Variants in MEGF6 observed in about 807,000 individuals in gnomAD.
The protein encoded by MEGF6 is multiple EGF like domains 6.
In MEGF6, 184 loss-of-function variants were observed where a neutral mutation model predicts 207.1. The ratio of observed to expected loss-of-function variants is 0.89; its 90% CI spans 0.79 to 1.00. The LOEUF is 1.00. MEGF6 is among the 50% of genes least tolerant of loss of function. MEGF6 has a pLI of 0.00. For missense variants in MEGF6, 2,282 were observed against 2,202.9 expected (o/e 1.04, Z -0.72); for synonymous variants, 1,038 against 910.0 (o/e 1.14, Z -2.53).
At chr1:3,546,962 C>G (rs557056828) in intron 4 of MEGF6, 2 of 178,296 alleles carry the variant, frequency 1.1e-5, no homozygotes, top group African/African-American at 5.1e-5. Context: ...GAAGGGAGGC[C>G]GAGGCAGGGT....
chr1:3,546,363 G>A (rs1427758133), intron 4 of MEGF6, among the ~76,000 whole-genome samples: 2 of 152,200 alleles, frequency 1.3e-5, no homozygotes, highest in Admixed American at 6.5e-5. Context: ...ATCCCTGCCC[G>A]CCCCTCCTTC....
At chr1:3,592,261 C>T (rs980580944) in intron 3 of MEGF6, among the ~76,000 whole-genome samples, 1 of 152,218 alleles carries the variant, frequency 6.6e-6, no homozygotes, top group Non-Finnish European at 1.5e-5. Context: ...TGCAGGCTTC[C>T]CTGCCTAGAC....
At chr1:3,574,032 AGCCCACACCCGAGAG>A (rs1390737654) in intron 4 of MEGF6, among the ~76,000 whole-genome samples, 4 of 151,928 alleles carry the variant, frequency 2.6e-5, no homozygotes, top group African/African-American at 7.3e-5. Context: ...AGCCACCTCC[AGCCCACACCCGAGAG>A]GCCCACACCC....
At chr1:3,521,610 G>A (rs905128663) in intron 5 of MEGF6, among the ~76,000 whole-genome samples, 2 of 152,166 alleles carry the variant, frequency 1.3e-5, no homozygotes, top group African/African-American at 4.8e-5. Context: ...TGCCTGGGAG[G>A]TGGCCCCCAG....
chr1:3,496,988 G>GT lies in MEGF6; in HGVS notation c.3612dup (p.Arg1205ThrfsTer12), dbSNP rs1557715784. On this transcript the variant is annotated frameshift_variant and splice_region_variant, in exon 28 of 37. Coordinates refer to ENST00000356575, the MANE Select transcript of MEGF6 (RefSeq NM_001409.4). LOFTEE classifies it high-confidence loss of function. Reference sequence around the variant, plus strand: ...CTGGGTGGGCACGGGCAGCACTCACGTTGCTGGCAGCTGGGGCCGTGGTAG... The same window carrying GT: ...CTGGGTGGGCACGGGCAGCACTCACGTTTGCTGGCAGCTGGGGCCGTGGTAG... 6.5e-7 allele frequency: 1 copy of GT among 1,549,092 alleles called. No homozygotes were observed. The highest frequency in any genetic ancestry group is 8.7e-7 in the Non-Finnish European group (1 of 1,147,018).
chr1:3,510,194 G>T (rs1292937478), intron 10 of MEGF6, among the ~76,000 whole-genome samples: 1 of 152,148 alleles, frequency 6.6e-6, no homozygotes, highest in African/African-American at 2.4e-5. Context: ...TCAGAGCCAT[G>T]GCAGACACGT....
intron 4 of MEGF6, among the ~76,000 whole-genome samples, chr1:3,561,476 G>A (rs981774326): frequency 7.2e-5 from 11 of 152,182 alleles, no homozygotes; most frequent in South Asian, 2.1e-4. Context: ...AGCCCAGGAC[G>A]CAACGCCCTC....
Position 3,611,223 on chromosome 1 carries a change from G to A in MEGF6, c.46C>T (p.Leu16=). The change falls in exon 1 of 37, where the codon CTG becomes TTG. Residue 16 remains leucine, a synonymous_variant. Transcript: ENST00000356575. ...EARAAGRAVV[L]ALVLLLLPAV... ...GGGAGCAGCAGCAGCACCAACGCCA[G>A]GACCACCGCGCGCCCCGCTGCCCTC... 1 of 1,543,698 alleles carries A rather than the reference G, an allele frequency of 6.5e-7. No individual in the cohort carries two copies. Among genetic ancestry groups the A allele is most frequent in the Admixed American group, 1.9e-5 (1 of 52,562 alleles).
At chr1:3,500,571 G>A in intron 21 of MEGF6, 62 bp downstream of exon 21, 2 of 1,503,876 alleles carry the variant, frequency 1.3e-6, no homozygotes, top group Non-Finnish European at 1.8e-6. Context: ...GTGTGCACGT[G>A]TGCATATGTG....
intron 3 of MEGF6, among the ~76,000 whole-genome samples, chr1:3,585,558 G>C (rs1170892701): frequency 7.4e-6 from 1 of 135,842 alleles, no homozygotes; most frequent in African/African-American, 2.9e-5. Context: ...CCTGTGTGTG[G>C]GTGTGAATGA....
rs1644119266 is a variant in MEGF6 at position 3,599,067 on chromosome 1, C to T, written c.266+3399G>A. Among the ~76,000 whole-genome samples the T allele has an allele frequency of 2.0e-5, 3 of 152,186 alleles. No homozygotes were observed. In the South Asian group the frequency reaches 6.2e-4, roughly 31 times the overall value. On this transcript the variant is annotated intron_variant, in intron 2 of 36. Transcript: ENST00000356575. Reference sequence around the variant, plus strand: ...CCGCGGCCCTGCCTGAGGCAGGCAGCAGGCTCCACAGCCCAGAAGCCAGAC... The same window carrying T: ...CCGCGGCCCTGCCTGAGGCAGGCAGTAGGCTCCACAGCCCAGAAGCCAGAC...
intron 18 of MEGF6, among the ~76,000 whole-genome samples, chr1:3,501,548 G>A (rs546387906): frequency 1.2e-4 from 18 of 152,204 alleles, no homozygotes; most frequent in African/African-American, 3.1e-4. Context: ...ACAAGGAGCC[G>A]AGCCCGTTAG....
At chr1:3,491,639 A>G (rs1205791527) in intron 35 of MEGF6, among the ~76,000 whole-genome samples, 2 of 152,082 alleles carry the variant, frequency 1.3e-5, no homozygotes, top group Non-Finnish European at 2.9e-5. Context: ...TTAGCCAAAA[A>G]GCAGAGCCTG....
At position 3,509,081 on chromosome 1, in the gene MEGF6, T is replaced by C; in HGVS notation, c.1522A>G (p.Lys508Glu). ...GGGCTGGGCCCGCGCTCACCAAACT[T>C]CTCTGTGAGCGTGTGTTCGCCCCGC... ...ELRGEHTLTEKFVCLDDSFGH... is the reference protein window; with the variant it reads ...ELRGEHTLTEEFVCLDDSFGH... The change falls in exon 12 of 37, where the codon AAG becomes GAG. Residue 508 changes from lysine to glutamate, a missense_variant. Lys to Glu is a moderately conservative substitution (Grantham distance 56). Coordinates refer to ENST00000356575, the MANE Select transcript of MEGF6 (RefSeq NM_001409.4). The C allele has an allele frequency of 6.3e-7, 1 of 1,591,830 alleles. No individual in the cohort carries two copies. The highest frequency in any genetic ancestry group is 1.4e-5 in the African/African-American group (1 of 73,888).
chr1:3,525,531 G>T (rs532535905), intron 4 of MEGF6, among the ~76,000 whole-genome samples: 2 of 152,358 alleles, frequency 1.3e-5, no homozygotes, highest in Non-Finnish European at 2.9e-5. Flanking sequence ...GCTGAAGAGA[G>T]CAGGGAGGGA....
At chr1:3,507,957 C>T in intron 13 of MEGF6, 34 bp from the exon 14 acceptor site, 1 of 1,598,222 alleles carries the variant, frequency 6.3e-7, no homozygotes, top group Non-Finnish European at 8.5e-7. Flanking sequence ...TCAGGGTCAC[C>T]AGCCAGCACG....
At chr1:3,541,416 C>T (rs1401815757) in intron 4 of MEGF6, among the ~76,000 whole-genome samples, 6 of 152,240 alleles carry the variant, frequency 3.9e-5, no homozygotes, top group Non-Finnish European at 7.3e-5. Flanking sequence ...TGGGTGGAGG[C>T]CCTGCCATGG....
intron 35 of MEGF6, among the ~76,000 whole-genome samples, 186 bp from the exon 36 acceptor site, chr1:3,491,145 C>T (rs1236241503): frequency 6.6e-6 from 1 of 151,918 alleles, no homozygotes; most frequent in African/African-American, 2.4e-5. Context: ...GGGGGCTCTC[C>T]CTCTCCCCAT....
At chr1:3,538,240 G>A (rs1418986100) in intron 4 of MEGF6, among the ~76,000 whole-genome samples, 2 of 152,178 alleles carry the variant, frequency 1.3e-5, no homozygotes, top group South Asian at 2.1e-4. Context: ...GCCTCCCTGC[G>A]GAGACAGAGC....
Sources: gnomAD v4.1 joint callset for allele counts (sites outside exome capture counted in the v4.1 genomes callset) on GRCh38, gnomAD v4.1.1 for gene constraint, MANE v1.5 for transcripts, NCBI Gene and HGNC (gene_info 2026-07-23, HGNC 2026-07-21) for gene names.